ZNF543: variants seen among roughly 807,000 people sequenced by gnomAD.
ZNF543 encodes zinc finger protein 543.
Under a neutral mutation model 13.4 loss-of-function variants are expected in ZNF543, and 10 were observed. The observed-to-expected ratio is 0.75, with a 90% CI of 0.46 to 1.26. The LOEUF is 1.26. Ranked by LOEUF, ZNF543 falls within the 50% of genes most tolerant of loss-of-function variation. The pLI, the probability that ZNF543 is intolerant of heterozygous loss-of-function variation, is 0.00. For synonymous variants in ZNF543, 272 were observed against 264.7 expected (o/e 1.03, Z -0.27); for missense variants, 768 against 741.2 (o/e 1.04, Z -0.42).
intron 2 of ZNF543, among the ~76,000 whole-genome samples, chr19:57,324,927 TA>T (rs1422831095): frequency 6.6e-6 from 1 of 152,250 alleles, no homozygotes; most frequent in African/African-American, 2.4e-5. Context: ...TGAGTGTTTA[TA>T]AAATACAATG....
Position 57,329,323 on chromosome 19 carries a change from C to T in ZNF543, c.*58C>T, listed in dbSNP as rs367565035. 5.9e-6 allele frequency: 9 copies of T among 1,523,908 alleles called. No homozygotes were observed. In the Admixed American group the frequency reaches 1.7e-4, roughly 29 times the overall value. The allele number at this position is 1,523,908 out of a possible 1,614,324, so 94.4% of individuals were successfully genotyped here. On this transcript the variant is annotated 3_prime_UTR_variant, in exon 4 of 4. Coordinates refer to ENST00000321545, the MANE Select transcript of ZNF543 (RefSeq NM_213598.4). ...TGAAGAGAAACTTCATAAGCATCCTCTCTTTGAGAAAACGTGTAATAGATG... is the reference window on the plus strand; with the variant it reads ...TGAAGAGAAACTTCATAAGCATCCTTTCTTTGAGAAAACGTGTAATAGATG...
At position 57,328,722 on chromosome 19, in the gene ZNF543, G is replaced by A; in HGVS notation, c.1260G>A (p.Glu420=). The stretch of plus-strand genomic sequence containing the variant: ...AGCATCAACGGATTCACACTGGGGA[G>A]AAGCCTTATGAATGCAGTGAATGTG... ...LKQHQRIHTG[E]KPYECSECGK... is the part of the protein sequence containing the mutation. The change falls in exon 4 of 4, where the codon GAG becomes GAA. Residue 420 remains glutamate (E), a synonymous_variant. Transcript: ENST00000321545. 6.2e-7 allele frequency: 1 copy of A among 1,613,796 alleles called. No homozygotes were observed.
chr19:57,328,631 C>A lies in ZNF543; in HGVS notation c.1169C>A (p.Thr390Asn). 3.7e-6 allele frequency: 6 copies of A among 1,613,872 alleles called. No homozygotes were observed. The highest frequency in any genetic ancestry group is 2.2e-5 in the South Asian group (2 of 91,062). ...ADLIQHYIIHTGEKPYKCMEC... is the reference protein window; with the variant it reads ...ADLIQHYIIHNGEKPYKCMEC... ...CTCATTCAACACTACATTATCCACACTGGGGAGAAGCCCTATAAGTGCATG... is the reference window on the plus strand; with the variant it reads ...CTCATTCAACACTACATTATCCACAATGGGGAGAAGCCCTATAAGTGCATG... Residue 390 changes from threonine to asparagine, a missense_variant, in exon 4 of 4, where the codon ACT (threonine) becomes AAT (asparagine). Physicochemically the swap from Thr to Asn is moderately conservative, Grantham distance 65. Transcript: ENST00000321545.
At position 57,328,523 on chromosome 19, in the gene ZNF543, T is replaced by G. The variant is rs1378523682; in HGVS notation, c.1061T>G (p.Leu354Arg). The G allele has an allele frequency of 6.2e-7, 1 of 1,614,130 alleles. No homozygotes were observed. The highest frequency in any genetic ancestry group is 1.7e-5 in the Admixed American group (1 of 60,010). The stretch of plus-strand genomic sequence containing the variant: ...AAGGCCTTCAACCGCCGGTCATACC[T>G]CACGTGGCACCAACAGATTCACACT... The part of the protein sequence containing the change: ...CGKAFNRRSY[L>R]TWHQQIHTGV... Residue 354 changes from leucine to arginine, a missense_variant, in exon 4 of 4, where the codon CTC becomes CGC. By Grantham distance (102) the Leu-to-Arg change is moderately radical (BLOSUM62 -2). Coordinates refer to ENST00000321545, the MANE Select transcript of ZNF543 (RefSeq NM_213598.4).
intron 2 of ZNF543, among the ~76,000 whole-genome samples, chr19:57,324,123 G>A (rs1342970265): frequency 6.6e-6 from 1 of 152,084 alleles, no homozygotes; most frequent in Non-Finnish European, 1.5e-5. Context: ...AGGCCGACGC[G>A]GACAAATCAG....
chr19:57,320,867 C>T lies in ZNF543; in HGVS notation c.14C>T (p.Ala5Val). The change falls in exon 1 of 4, where the codon GCG becomes GTG. Residue 5 changes from alanine (A) to valine (V), a missense_variant. Coordinates refer to ENST00000321545, the MANE Select transcript of ZNF543 (RefSeq NM_213598.4). MAAS[A>V]QVSVTFEDVA... is the part of the protein sequence containing the mutation. The stretch of plus-strand genomic sequence containing the variant: ...CAGGGTCTCAGGATGGCAGCCTCGG[C>T]GCAGGTGAGTGGACGAGGTTTTGGC... 1 of 1,613,918 alleles carries T rather than the reference C, an allele frequency of 6.2e-7. No homozygotes were observed. The highest frequency in any genetic ancestry group is 1.7e-5 in the Admixed American group (1 of 59,996).
intron 2 of ZNF543, among the ~76,000 whole-genome samples, chr19:57,326,158 A>C (rs2088119177): frequency 6.6e-6 from 1 of 152,174 alleles, no homozygotes; most frequent in Non-Finnish European, 1.5e-5. Context: ...TACTGCTTAC[A>C]GTCTTTGGGG....
Position 57,320,731 on chromosome 19 carries a change from C to G in ZNF543, c.-123C>G, listed in dbSNP as rs2088084670. The G allele has an allele frequency of 1.6e-6, 2 of 1,263,972 alleles. No homozygotes were observed. The highest frequency in any genetic ancestry group is 1.1e-6 in the Non-Finnish European group (1 of 923,404). The allele number at this position is 1,263,972 out of a possible 1,614,324, so 78.3% of individuals were successfully genotyped here. A position where few individuals can be genotyped will look rare whatever the true frequency, so the allele number is the denominator to read the frequency against. On this transcript the variant is annotated 5_prime_UTR_variant, in exon 1 of 4. Coordinates refer to ENST00000321545, the MANE Select transcript of ZNF543 (RefSeq NM_213598.4). ...GCGCCCGCTTTGTGCGCATTTTTCT[C>G]TGGGGAAACTGAGGCTCCGAGTGCG...
In ZNF543 at chr19:57,328,110, G is replaced by A. The variant is rs761133581; in HGVS notation, c.648G>A (p.Gln216=). ...TTAAAAAGAATGCCCTCCTTGTTCA[G>A]CATGAACGGATTCACACTCAAGTGA... ...KVFKKNALLV[Q]HERIHTQVKP... The change falls in exon 4 of 4, where the codon CAG becomes CAA. Residue 216 remains glutamine (Q), a synonymous_variant. Transcript: ENST00000321545. 2.1e-5 allele frequency: 34 copies of A among 1,614,134 alleles called. No homozygotes were observed. Among genetic ancestry groups the A allele is most frequent in the Non-Finnish European group, 2.8e-5 (33 of 1,180,058 alleles).
chr19:57,328,114 G>A lies in ZNF543; in HGVS notation c.652G>A (p.Glu218Lys). The A allele has an allele frequency of 6.2e-7, 1 of 1,614,244 alleles. No homozygotes were observed. The highest frequency in any genetic ancestry group is 8.5e-7 in the Non-Finnish European group (1 of 1,180,034). The change falls in exon 4 of 4, where the codon GAA (glutamate) becomes AAA (lysine). Residue 218 changes from glutamate (E) to lysine (K), a missense_variant. By Grantham distance (56) the Glu-to-Lys change is moderately conservative. Coordinates refer to ENST00000321545, the MANE Select transcript of ZNF543 (RefSeq NM_213598.4). ...FKKNALLVQH[E>K]RIHTQVKPYE... ...AAAGAATGCCCTCCTTGTTCAGCATGAACGGATTCACACTCAAGTGAAGCC... is the reference window on the plus strand; with the variant it reads ...AAAGAATGCCCTCCTTGTTCAGCATAAACGGATTCACACTCAAGTGAAGCC...
At chr19:57,322,945 A>G (rs1174457503) in intron 1 of ZNF543, among the ~76,000 whole-genome samples, 1 of 151,876 alleles carries the variant, frequency 6.6e-6, no homozygotes, top group Non-Finnish European at 1.5e-5. Flanking sequence ...TGAGCTGGGG[A>G]CTTTTAGTCA....
Position 57,329,514 on chromosome 19 carries a change from ATT to A in ZNF543, c.*264_*265del, listed in dbSNP as rs11355141. ...TACAGTGAAATATTATCTCAGGGAT[ATT>A]TTTTTTTTTTTTTTGAGACGGAGTC... On this transcript the variant is annotated 3_prime_UTR_variant, in exon 4 of 4. Transcript: ENST00000321545. The A allele has an allele frequency of 0.032, 8,790 of 272,456 alleles. No homozygotes were observed. The highest frequency in any genetic ancestry group is 0.054 in the South Asian group (775 of 14,440). 16.9% of individuals were successfully genotyped at this position (272,456 alleles called of 1,614,324 possible).
intron 1 of ZNF543, among the ~76,000 whole-genome samples, chr19:57,322,019 G>GTTT (rs2088092963): frequency 6.6e-6 from 1 of 152,154 alleles, no homozygotes; most frequent in Non-Finnish European, 1.5e-5. Context: ...AGATTTTGTG[G>GTTT]TCTTTTGCTA....
At chr19:57,321,248 T>A (rs10439084) in intron 1 of ZNF543, among the ~76,000 whole-genome samples, 1,548 of 152,300 alleles carry the variant, frequency 0.01, 28 homozygotes, top group African/African-American at 0.035. Context: ...TTCTTCCTTT[T>A]TCCAGGCTTT....
Position 57,326,638 on chromosome 19 carries a change from C to A in ZNF543, c.151C>A (p.Pro51Thr), listed in dbSNP as rs1433014762. Residue 51 changes from proline to threonine, a missense_variant, in exon 3 of 4, where the codon CCT becomes ACT. Physicochemically the swap from Pro to Thr is conservative, Grantham distance 38. Coordinates refer to ENST00000321545, the MANE Select transcript of ZNF543 (RefSeq NM_213598.4). ...CTTTTGTTCTCCATGCACAGGCTGT[C>A]CTTTGTTCAAACCAGAGCTGATCTA... ...TCGLLMSLGC[P>T]LFKPELIYQL... 1 of 1,613,602 alleles carries A rather than the reference C, an allele frequency of 6.2e-7. No individual in the cohort carries two copies. Among genetic ancestry groups the A allele is most frequent in the Non-Finnish European group, 8.5e-7 (1 of 1,179,656 alleles).
chr19:57,327,872 T>C lies in ZNF543; in HGVS notation c.410T>C (p.Ile137Thr). Residue 137 changes from isoleucine to threonine, a missense_variant, in exon 4 of 4, where the codon ATA becomes ACA. By Grantham distance (89) the Ile-to-Thr change is moderately conservative. Coordinates refer to ENST00000321545, the MANE Select transcript of ZNF543 (RefSeq NM_213598.4). ...GAAATGCAAGAAGTCCACTTGAAAATAGGGATAGGCCCCCAGCGGGGGAAG... is the reference window on the plus strand; with the variant it reads ...GAAATGCAAGAAGTCCACTTGAAAACAGGGATAGGCCCCCAGCGGGGGAAG... ...PSEMQEVHLK[I>T]GIGPQRGKLL... The C allele has an allele frequency of 6.2e-7, 1 of 1,613,966 alleles. No homozygotes were observed.
In ZNF543 at chr19:57,321,186, C is replaced by T. The variant is rs1000293496; in HGVS notation, c.18+315C>T. Among the ~76,000 whole-genome samples the T allele has an allele frequency of 4.6e-5, 7 of 152,218 alleles. 1 individual carries two copies. The highest frequency in any genetic ancestry group is 1.7e-4 in the African/African-American group (7 of 41,462). The stretch of plus-strand genomic sequence containing the variant: ...CCAACCACCCCTGACCTTGTCTCTC[C>T]ATTTTTCCCTTGTCCTTTGCTCTTC... On this transcript the variant is annotated intron_variant, in intron 1 of 3. Transcript: ENST00000321545.
Position 57,329,277 on chromosome 19 carries a change from T to G in ZNF543, c.*12T>G, listed in dbSNP as rs1410470470. ...AAAATCTGTGGTGAAAGGGAACATC[T>G]TACCATCTGGCCATTCACACTGAAG... is the stretch of plus-strand genomic sequence containing the variant. On this transcript the variant is annotated 3_prime_UTR_variant, in exon 4 of 4. Coordinates refer to ENST00000321545, the MANE Select transcript of ZNF543 (RefSeq NM_213598.4). 5.1e-6 allele frequency: 8 copies of G among 1,583,838 alleles called. No individual in the cohort carries two copies. The highest frequency in any genetic ancestry group is 1.7e-4 in the Middle Eastern group (1 of 5,898).
At position 57,329,254 on chromosome 19, in the gene ZNF543, A is replaced by T; in HGVS notation, c.1792A>T (p.Asn598Tyr). 1 of 1,601,262 alleles carries T rather than the reference A, an allele frequency of 6.2e-7. No individual in the cohort carries two copies. The highest frequency in any genetic ancestry group is 1.3e-5 in the African/African-American group (1 of 74,530). The change falls in exon 4 of 4, where the codon AAT becomes TAT. Residue 598 changes from asparagine to tyrosine, a missense_variant. This residue lies in a region of ZNF543 where 677 missense variants were observed against 631.4 expected (regional missense o/e 1.07). Transcript: ENST00000321545. ...KEFLNITTEENLW is the reference protein window; with the variant it reads ...KEFLNITTEEYLW ...GTTTTTGAATATCACCACTGAAGAA[A>T]ATCTGTGGTGAAAGGGAACATCTTA... is the stretch of plus-strand genomic sequence containing the variant.
Sources: gnomAD v4.1 joint callset for allele counts (sites outside exome capture counted in the v4.1 genomes callset) on GRCh38, gnomAD v4.1.1 for gene constraint, gnomAD v4.1.1 regional missense constraint, MANE v1.5 for transcripts, NCBI Gene and HGNC (gene_info 2026-07-23, HGNC 2026-07-21) for gene names.